The following TENM4 variants were observed in gnomAD, a reference collection of about 807,000 sequenced individuals.
TENM4 encodes the protein teneurin-4.
In TENM4, 82 loss-of-function variants were observed where a neutral mutation model predicts 243.3. The ratio of observed to expected loss-of-function variants is 0.34; its 90% CI spans 0.28 to 0.40. TENM4 has a LOEUF of 0.40. TENM4 is among the 10% of genes least tolerant of loss of function. TENM4 has a pLI of 1.00. For synonymous variants in TENM4, 1,412 were observed against 1,456.3 expected, an observed-to-expected ratio of 0.97 and a Z score of 0.69; for missense variants, 3,138 against 3,673.3, an observed-to-expected ratio of 0.85 and a Z score of 3.77.
intron 23 of TENM4, among the ~76,000 whole-genome samples, chr11:78,725,086 A>T (rs596737): frequency 0.15 from 22,849 of 152,038 alleles, 1,804 homozygotes; most frequent in Admixed American, 0.19. Flanking sequence ...TAGTTTAATT[A>T]CTCTTCCCAG....
In TENM4 at chr11:79,229,880, G is replaced by A. The variant is rs148152524; in HGVS notation, c.-264-13971C>T. 1.8e-3 allele frequency among the ~76,000 whole-genome samples: 267 copies of A among 152,082 alleles called. 1 individual carries two copies. The highest frequency in any genetic ancestry group is 6.2e-3 in the African/African-American group (257 of 41,488). Reference sequence around the variant, plus strand: ...CTTGCTCTTTAATCCAGGCTGGAGTGTAGTGGTGTGATCACAGCTCACTGC... The same window carrying A: ...CTTGCTCTTTAATCCAGGCTGGAGTATAGTGGTGTGATCACAGCTCACTGC... On this transcript the variant is annotated intron_variant, in intron 2 of 33. Transcript: ENST00000278550.
chr11:79,338,726 A>C (rs1857193120), intron 1 of TENM4, among the ~76,000 whole-genome samples: 1 of 152,248 alleles, frequency 6.6e-6, no homozygotes, highest in South Asian at 2.1e-4. Flanking sequence ...ACCTTGAGCC[A>C]GTCGCTTGAT....
intron 3 of TENM4, among the ~76,000 whole-genome samples, chr11:79,165,821 T>C (rs941614290): frequency 6.6e-6 from 1 of 152,186 alleles, no homozygotes; most frequent in Non-Finnish European, 1.5e-5. Flanking sequence ...TTGTATAAGG[T>C]GAGAGATGAG....
intron 3 of TENM4, among the ~76,000 whole-genome samples, chr11:79,214,761 C>A (rs1285619980): frequency 6.6e-6 from 1 of 152,212 alleles, no homozygotes; most frequent in Non-Finnish European, 1.5e-5. Flanking sequence ...CAATGTTCAA[C>A]CTTCCAGTGA....
chr11:79,099,147 G>A (rs939173837), intron 4 of TENM4, among the ~76,000 whole-genome samples: 1 of 152,110 alleles, frequency 6.6e-6, no homozygotes, highest in African/African-American at 2.4e-5. Context: ...TGTTGGAGGA[G>A]CTCCGTTCCT....
intron 1 of TENM4, among the ~76,000 whole-genome samples, chr11:79,367,831 G>A (rs1857705691): frequency 1.3e-5 from 2 of 152,184 alleles, no homozygotes; most frequent in Non-Finnish European, 2.9e-5. Context: ...GCTTCAAAAA[G>A]CAACAATTTG....
chr11:79,409,031 A>C (rs2135568502), intron 1 of TENM4, among the ~76,000 whole-genome samples: 1 of 150,838 alleles, frequency 6.6e-6, no homozygotes, highest in East Asian at 2.0e-4. Flanking sequence ...CTTTGCCTGA[A>C]TTATAAAGTG....
At chr11:78,688,332 T>G in intron 28 of TENM4, 106 bp from the exon 29 acceptor site, 1 of 1,286,026 alleles carries the variant, frequency 7.8e-7, no homozygotes, top group Non-Finnish European at 1.1e-6. Context: ...CTGCTTTTCT[T>G]TCTGGCTGGA....
At chr11:78,941,808 G>A (rs1856902069) in intron 6 of TENM4, among the ~76,000 whole-genome samples, 2 of 152,208 alleles carry the variant, frequency 1.3e-5, no homozygotes, top group Non-Finnish European at 2.9e-5. Context: ...AACACAGGCT[G>A]CATTCTTGGC....
intron 1 of TENM4, among the ~76,000 whole-genome samples, chr11:79,425,388 G>A (rs188086448): frequency 6.6e-6 from 1 of 152,284 alleles, no homozygotes; most frequent in Admixed American, 6.5e-5. Context: ...TGTTCTGGCT[G>A]ATGCTGAACT....
Position 78,669,152 on chromosome 11 carries a change from A to G in TENM4, c.7193T>C (p.Ile2398Thr). The change falls in exon 32 of 34, where the codon ATC becomes ACC. Residue 2398 changes from isoleucine (I) to threonine (T), a missense_variant. Coordinates refer to ENST00000278550, the MANE Select transcript of TENM4 (RefSeq NM_001098816.3). This position sits in a 1 kb window ranked among gnomAD's most constrained non-coding sequence, Gnocchi z 6.4. Reference protein sequence around the residue: ...IYMDTNPNFQIIIGYHGGLYD... With the variant: ...IYMDTNPNFQTIIGYHGGLYD... ...GAGGCCACCATGGTAGCCTATGATGATCTGAAAGTTGGGGTTGGTATCCAT... is the reference window on the plus strand; with the variant it reads ...GAGGCCACCATGGTAGCCTATGATGGTCTGAAAGTTGGGGTTGGTATCCAT... 6.2e-7 allele frequency: 1 copy of G among 1,613,852 alleles called. No homozygotes were observed. The highest frequency in any genetic ancestry group is 2.2e-5 in the East Asian group (1 of 44,886).
chr11:79,104,560 A>G (rs1004704775), intron 4 of TENM4, among the ~76,000 whole-genome samples: 1 of 152,230 alleles, frequency 6.6e-6, no homozygotes, highest in African/African-American at 2.4e-5. Flanking sequence ...TAAAGGAGGC[A>G]TGCTATTTCC....
At chr11:78,999,017 A>G (rs1234949686) in intron 6 of TENM4, among the ~76,000 whole-genome samples, 1 of 152,236 alleles carries the variant, frequency 6.6e-6, no homozygotes. Flanking sequence ...TTCATCTCAC[A>G]TCTCCATTGG....
intron 4 of TENM4, among the ~76,000 whole-genome samples, chr11:79,133,177 T>C (rs1433703880): frequency 1.3e-5 from 2 of 152,080 alleles, no homozygotes; most frequent in Non-Finnish European, 2.9e-5. Context: ...ATATTACAAC[T>C]GACACCACTG....
chr11:78,876,090 A>G (rs1401034253), intron 9 of TENM4, among the ~76,000 whole-genome samples: 3 of 152,240 alleles, frequency 2.0e-5, no homozygotes, highest in Non-Finnish European at 2.9e-5. Flanking sequence ...ACTACTTACC[A>G]GCCATTCCAG....
chr11:79,342,029 C>T (rs576497926), intron 1 of TENM4, among the ~76,000 whole-genome samples: 4 of 152,324 alleles, frequency 2.6e-5, no homozygotes, highest in Admixed American at 2.6e-4. Context: ...GTGAATGCTG[C>T]TCTTGTTCTC....
chr11:78,756,581 G>C (rs1293434689), intron 19 of TENM4: 17 of 532,510 alleles, frequency 3.2e-5, no homozygotes, highest in Non-Finnish European at 5.8e-5. Context: ...CACCCAGTGG[G>C]AGCAACAAAA....
chr11:78,701,556 C>T lies in TENM4; in HGVS notation c.5057G>A (p.Ser1686Asn). Reference sequence around the variant, plus strand: ...AAATGTTGTCCATCCGTTTTCATTGCTTTTGGTTGCCAGAAGGCCGGAATT... The same window carrying T: ...AAATGTTGTCCATCCGTTTTCATTGTTTTTGGTTGCCAGAAGGCCGGAATT... Reference protein sequence around the residue: ...HGNSGLLATKSNENGWTTFYE... With the variant: ...HGNSGLLATKNNENGWTTFYE... Residue 1686 changes from serine to asparagine, a missense_variant, in exon 28 of 34, where the codon AGC (serine) becomes AAC (asparagine). Physicochemically the swap from Ser to Asn is conservative, Grantham distance 46 (BLOSUM62 1). Transcript: ENST00000278550. 1.9e-6 allele frequency: 3 copies of T among 1,596,270 alleles called. No homozygotes were observed. The highest frequency in any genetic ancestry group is 2.6e-6 in the Non-Finnish European group (3 of 1,166,016).
chr11:78,697,771 G>A (rs1475427330), intron 28 of TENM4, among the ~76,000 whole-genome samples: 1 of 152,164 alleles, frequency 6.6e-6, no homozygotes, highest in Non-Finnish European at 1.5e-5. Flanking sequence ...GGAGGCCAGA[G>A]CCCCTTCCCC....
Sources: allele counts gnomAD v4.1 joint callset (sites outside exome capture counted in the v4.1 genomes callset), GRCh38; gene constraint gnomAD v4.1.1; non-coding constraint Gnocchi (gnomAD v3.1); transcripts MANE v1.5; gene names NCBI Gene and HGNC (gene_info 2026-07-23, HGNC 2026-07-21).